The following VSNL1 variants were observed in gnomAD, a reference collection of about 807,000 sequenced individuals.
VSNL1 encodes the protein visinin like 1, also known as visinin-like protein 1.
Under a neutral mutation model 20.4 loss-of-function variants are expected in VSNL1, and 6 were observed. The observed-to-expected ratio is 0.29, with a 90% CI of 0.16 to 0.58. VSNL1 has a LOEUF of 0.58. Ranked by LOEUF, VSNL1 falls within the 20% of genes least tolerant of loss-of-function variation. VSNL1 has a pLI of 0.90. For synonymous variants in VSNL1, 93 were observed against 86.4 expected (o/e 1.08, Z -0.42); for missense variants, 100 against 234.5 (o/e 0.43, Z 3.75).
chr2:17,556,622 T>C (rs1422026099), intron 1 of VSNL1, among the ~76,000 whole-genome samples: 1 of 152,204 alleles, frequency 6.6e-6, no homozygotes, highest in Non-Finnish European at 1.5e-5. Context: ...TAAAACCAGA[T>C]AGTTATCATT....
intron 1 of VSNL1, among the ~76,000 whole-genome samples, chr2:17,560,233 A>C (rs391399): frequency 0.94 from 140,619 of 149,712 alleles, 66,667 homozygotes; most frequent in East Asian, 1. Context: ...AATTATAATG[A>C]CACAAGGGTT....
At chr2:17,562,119 C>T (rs1663830002) in intron 1 of VSNL1, among the ~76,000 whole-genome samples, 1 of 152,148 alleles carries the variant, frequency 6.6e-6, no homozygotes, top group African/African-American at 2.4e-5. Flanking sequence ...ACTTCTAAGA[C>T]TTAGTAATGC....
At position 17,634,600 on chromosome 2, in the gene VSNL1, C is replaced by T. The variant is rs1201354220; in HGVS notation, c.163-14810C>T. ...GGCAAAGCTTAGCTGTGCCCCTTCC[C>T]GTCCCCTGACACCCTCATCTCTCCT... On this transcript the variant is annotated intron_variant, in intron 2 of 3. Transcript: ENST00000295156. The surrounding 1 kb of genome is among the most constrained non-coding windows in gnomAD (Gnocchi z 4.3). Among the ~76,000 whole-genome samples, 1 of 152,194 alleles carries T rather than the reference C, an allele frequency of 6.6e-6. No individual in the cohort carries two copies.
intron 1 of VSNL1, among the ~76,000 whole-genome samples, chr2:17,587,597 G>A (rs1014876698): frequency 3.9e-5 from 6 of 152,090 alleles, no homozygotes; most frequent in East Asian, 1.9e-4. Flanking sequence ...AGAGATGAGC[G>A]AAACTCAAGA....
At chr2:17,543,841 T>G in intron 1 of VSNL1, among the ~76,000 whole-genome samples, 1 of 152,188 alleles carries the variant, frequency 6.6e-6, no homozygotes, top group Admixed American at 6.5e-5. Flanking sequence ...TTTTTCTCCT[T>G]TTTTTCCTCT....
intron 1 of VSNL1, among the ~76,000 whole-genome samples, chr2:17,585,692 C>T (rs980876303): frequency 6.6e-6 from 1 of 152,170 alleles, no homozygotes; most frequent in Non-Finnish European, 1.5e-5. Context: ...AAATTCATCA[C>T]CTTCCTGAGC....
At chr2:17,595,190 CCCAGCGGCTAGCACAGGGCCTG>C (rs1310744855) in intron 2 of VSNL1, among the ~76,000 whole-genome samples, 1 of 152,224 alleles carries the variant, frequency 6.6e-6, no homozygotes, top group African/African-American at 2.4e-5. Flanking sequence ...AATGTTAAGA[CCCAGCGGCTAGCACAGGGCCTG>C]CCACGGAGCA....
At chr2:17,608,203 G>A (rs1317595443) in intron 2 of VSNL1, among the ~76,000 whole-genome samples, 1 of 152,204 alleles carries the variant, frequency 6.6e-6, no homozygotes, top group Non-Finnish European at 1.5e-5. Context: ...AGAAATGCAA[G>A]GAAGACCATA....
chr2:17,553,161 C>T (rs1463428696), intron 1 of VSNL1, among the ~76,000 whole-genome samples: 1 of 152,118 alleles, frequency 6.6e-6, no homozygotes, highest in Non-Finnish European at 1.5e-5. Flanking sequence ...GAGGAAACTT[C>T]TTGAAGTGCT....
intron 2 of VSNL1, among the ~76,000 whole-genome samples, chr2:17,620,591 C>T (rs758361373): frequency 1.3e-4 from 20 of 152,092 alleles, no homozygotes; most frequent in Admixed American, 9.8e-4. Flanking sequence ...AACAAAGGGG[C>T]CACAGTAGAA....
At chr2:17,654,474 C>T (rs1041952766) in intron 3 of VSNL1, among the ~76,000 whole-genome samples, 3 of 152,118 alleles carry the variant, frequency 2.0e-5, no homozygotes, top group African/African-American at 7.2e-5. Context: ...AAGGCTAGTG[C>T]TTTTTGACTG....
intron 1 of VSNL1, among the ~76,000 whole-genome samples, chr2:17,544,611 A>C (rs1663366950): frequency 6.6e-6 from 1 of 152,196 alleles, no homozygotes; most frequent in African/African-American, 2.4e-5. Flanking sequence ...GGAGTTTCAC[A>C]GAATAACAGT....
chr2:17,613,978 G>A (rs1256967437), intron 2 of VSNL1, among the ~76,000 whole-genome samples: 2 of 152,242 alleles, frequency 1.3e-5, no homozygotes, highest in Admixed American at 1.3e-4. Context: ...TGAAAGGGAA[G>A]TCCAGGAAGG....
chr2:17,553,309 G>A (rs1376523884), intron 1 of VSNL1, among the ~76,000 whole-genome samples: 1 of 152,088 alleles, frequency 6.6e-6, no homozygotes, highest in African/African-American at 2.4e-5. Flanking sequence ...TTTCCCATAT[G>A]AAAAGGCAGA....
At chr2:17,622,631 G>A (rs1051951740) in intron 2 of VSNL1, among the ~76,000 whole-genome samples, 1 of 151,688 alleles carries the variant, frequency 6.6e-6, no homozygotes, top group African/African-American at 2.4e-5. Flanking sequence ...ATGAATCCTA[G>A]TAATGTTGCA....
At chr2:17,631,905 G>A (rs1036907919) in intron 2 of VSNL1, among the ~76,000 whole-genome samples, 3 of 152,166 alleles carry the variant, frequency 2.0e-5, no homozygotes, top group African/African-American at 7.2e-5. Context: ...GTTGTTTTCC[G>A]AGATGTAGTC....
chr2:17,625,885 C>T (rs891649271), intron 2 of VSNL1, among the ~76,000 whole-genome samples: 2 of 146,466 alleles, frequency 1.4e-5, no homozygotes, highest in Non-Finnish European at 1.5e-5. Context: ...GCACTACAAC[C>T]TCCGCCTTCC....
intron 1 of VSNL1, among the ~76,000 whole-genome samples, chr2:17,576,375 G>A (rs1483793349): frequency 1.3e-5 from 2 of 152,148 alleles, no homozygotes; most frequent in African/African-American, 4.8e-5. Context: ...CAATAAATAT[G>A]TGTCTGTATG....
chr2:17,612,115 G>A (rs13427646), intron 2 of VSNL1, among the ~76,000 whole-genome samples: 4,640 of 152,310 alleles, frequency 0.03, 238 homozygotes, highest in African/African-American at 0.11. Flanking sequence ...CATACCGTGA[G>A]AATGAGGAGA....
Sources: allele counts gnomAD v4.1 joint callset (sites outside exome capture counted in the v4.1 genomes callset), GRCh38; gene constraint gnomAD v4.1.1; non-coding constraint Gnocchi (gnomAD v3.1); transcripts MANE v1.5; gene names NCBI Gene and HGNC (gene_info 2026-07-23, HGNC 2026-07-21).